Variants in PTPRG observed in about 807,000 individuals in gnomAD.
The protein encoded by PTPRG is protein tyrosine phosphatase receptor type G.
In PTPRG, 102 loss-of-function variants were observed where a neutral mutation model predicts 165.3. The observed-to-expected ratio is 0.62, with a 90% CI of 0.53 to 0.73. The LOEUF (loss-of-function observed/expected upper bound fraction) is 0.73. PTPRG is among the 30% of genes least tolerant of loss of function. The pLI, the probability that PTPRG is intolerant of heterozygous loss-of-function variation, is 0.00. For synonymous variants in PTPRG, 675 were observed against 669.5 expected, an observed-to-expected ratio of 1.01 and a Z score of -0.13; for missense variants, 1,866 against 1,861.4, an observed-to-expected ratio of 1.00 and a Z score of -0.05.
At chr3:61,836,914 T>C (rs2036484721) in intron 2 of PTPRG, among the ~76,000 whole-genome samples, 1 of 151,812 alleles carries the variant, frequency 6.6e-6, no homozygotes, top group Admixed American at 6.6e-5. Context: ...CTGGCTGATT[T>C]TTTTTTTTTC....
intron 2 of PTPRG, among the ~76,000 whole-genome samples, chr3:61,980,202 C>T (rs2040608197): frequency 1.3e-5 from 2 of 152,144 alleles, no homozygotes; most frequent in Non-Finnish European, 2.9e-5. Context: ...TTTTGTTTTG[C>T]TCTCTGGGTT....
chr3:61,976,737 C>T (rs971184292), intron 2 of PTPRG, among the ~76,000 whole-genome samples: 1 of 151,784 alleles, frequency 6.6e-6, no homozygotes, highest in African/African-American at 2.4e-5. Context: ...TCCAGTGGCA[C>T]GATCTCGGCT....
Position 62,126,711 on chromosome 3 carries a change from C to T in PTPRG, c.616-5891C>T, listed in dbSNP as rs528756590. On this transcript the variant is annotated intron_variant, in intron 5 of 29. Transcript: ENST00000474889. ...TTTAGTAGTTGCATTTAAAGCAATT[C>T]TCTAGACCAGGAATCCACACTTGGT... 3.3e-5 allele frequency among the ~76,000 whole-genome samples: 5 copies of T among 152,296 alleles called. No individual in the cohort carries two copies. The East Asian group carries it at 9.6e-4, about 29-fold the overall frequency.
chr3:61,897,043 A>G (rs1351820093), intron 2 of PTPRG, among the ~76,000 whole-genome samples: 1 of 149,332 alleles, frequency 6.7e-6, no homozygotes, highest in Non-Finnish European at 1.5e-5. Flanking sequence ...ATCCTGTGTT[A>G]TTTTGTCTTT....
chr3:61,922,726 G>A (rs964036729), intron 2 of PTPRG, among the ~76,000 whole-genome samples: 6 of 152,102 alleles, frequency 3.9e-5, no homozygotes, highest in African/African-American at 7.2e-5. Context: ...CTGCAGCCTC[G>A]GCTTCCTGGG....
intron 7 of PTPRG, among the ~76,000 whole-genome samples, chr3:62,161,131 T>C (rs1704744751): frequency 6.6e-6 from 1 of 152,104 alleles, no homozygotes; most frequent in Admixed American, 6.6e-5. Context: ...GGAGTCACAA[T>C]AAAGATTAAA....
At chr3:61,616,091 T>C (rs998679516) in intron 1 of PTPRG, among the ~76,000 whole-genome samples, 3 of 152,128 alleles carry the variant, frequency 2.0e-5, no homozygotes, top group African/African-American at 7.2e-5. Flanking sequence ...GCTGGAATTA[T>C]AGTCATGTGC....
chr3:62,197,737 C>G (rs1200084327), intron 10 of PTPRG, among the ~76,000 whole-genome samples: 1 of 152,166 alleles, frequency 6.6e-6, no homozygotes, highest in Non-Finnish European at 1.5e-5. Flanking sequence ...CCCAGGGCTC[C>G]CTGGCTTCTG....
intron 2 of PTPRG, among the ~76,000 whole-genome samples, chr3:61,949,645 G>T (rs550038917): frequency 4.3e-4 from 66 of 152,266 alleles, no homozygotes; most frequent in African/African-American, 1.6e-3. Context: ...TCAAATGCCA[G>T]CTCAGGTGCT....
At chr3:62,145,020 A>G (rs186333312) in intron 6 of PTPRG, among the ~76,000 whole-genome samples, 2 of 152,062 alleles carry the variant, frequency 1.3e-5, no homozygotes, top group African/African-American at 4.8e-5. Context: ...GAGAGCTCTT[A>G]AAAAAATACC....
rs142800593 is a variant in PTPRG at position 61,776,361 on chromosome 3, A to AT, written c.190+27380dup. Among the ~76,000 whole-genome samples the AT allele has an allele frequency of 7.2e-3, 1,098 of 152,288 alleles. 9 individuals are homozygous for AT. Among genetic ancestry groups the AT allele is most frequent in the Non-Finnish European group, 0.01 (697 of 68,018 alleles). ...ACCCCAAGTTCTCATTTTTATTGGAATAAAAAAATTAGTTGTATCGCATAG... is the reference window on the plus strand; with the variant it reads ...ACCCCAAGTTCTCATTTTTATTGGAATTAAAAAAATTAGTTGTATCGCATAG... On this transcript the variant is annotated intron_variant, in intron 2 of 29. Transcript: ENST00000474889.
At chr3:61,811,174 C>A (rs2035563148) in intron 2 of PTPRG, among the ~76,000 whole-genome samples, 2 of 152,018 alleles carry the variant, frequency 1.3e-5, no homozygotes, top group African/African-American at 4.8e-5. Flanking sequence ...GCTCTTTGGT[C>A]AGTGGAATGT....
chr3:61,871,153 GTGTTGTGTTGTGTTATGTTA>G lies in PTPRG; in HGVS notation c.191-118467_191-118448del, dbSNP rs1309908002. On this transcript the variant is annotated intron_variant, in intron 2 of 29. Transcript: ENST00000474889. The stretch of plus-strand genomic sequence containing the variant: ...ATGTTGTGTTGTGTTGTGTTGTGTT[GTGTTGTGTTGTGTTATGTTA>G]TGTTATGTTATGTTATGTTATGTTA... Among the ~76,000 whole-genome samples, 650 of 124,244 alleles carry G rather than the reference GTGTTGTGTTGTGTTATGTTA, an allele frequency of 5.2e-3. 3 individuals carry two copies. The highest frequency in any genetic ancestry group is 0.01 in the African/African-American group (311 of 30,568). 81.5% of individuals were successfully genotyped at this position (124,244 alleles called of 152,430 possible). A position where few individuals can be genotyped will look rare whatever the true frequency, so the allele number is the denominator to read the frequency against.
chr3:62,250,187 A>G (rs375920892), intron 15 of PTPRG, among the ~76,000 whole-genome samples: 4 of 152,350 alleles, frequency 2.6e-5, no homozygotes, highest in African/African-American at 9.6e-5. Flanking sequence ...ATTGCTTTTC[A>G]TAACACTCTA....
At chr3:61,714,237 G>A (rs1559570299) in intron 1 of PTPRG, among the ~76,000 whole-genome samples, 1 of 152,078 alleles carries the variant, frequency 6.6e-6, no homozygotes, top group Non-Finnish European at 1.5e-5. Context: ...GTTGCTGATT[G>A]TCTTCTATTA....
intron 2 of PTPRG, among the ~76,000 whole-genome samples, chr3:61,914,654 C>G (rs1249082650): frequency 3.3e-5 from 5 of 152,164 alleles, no homozygotes; most frequent in African/African-American, 7.2e-5. Flanking sequence ...CAAGTACCTT[C>G]CTGGTTTCAT....
intron 4 of PTPRG, among the ~76,000 whole-genome samples, chr3:62,017,018 T>C (rs768112687): frequency 2.0e-5 from 3 of 152,144 alleles, no homozygotes; most frequent in Non-Finnish European, 4.4e-5. Flanking sequence ...ATTTATTAAC[T>C]CCCTCCCCCT....
intron 1 of PTPRG, among the ~76,000 whole-genome samples, chr3:61,715,458 G>A (rs1242409000): frequency 1.3e-5 from 2 of 152,046 alleles, no homozygotes; most frequent in African/African-American, 2.4e-5. Flanking sequence ...GGCTCAAGAT[G>A]TCCACCTGCC....
intron 1 of PTPRG, among the ~76,000 whole-genome samples, chr3:61,693,515 A>T (rs2106668509): frequency 6.6e-6 from 1 of 152,278 alleles, no homozygotes; most frequent in South Asian, 2.1e-4. Context: ...AGGGGGCTGG[A>T]CTTGGTGCTG....
Sources: gnomAD v4.1 joint callset for allele counts (sites outside exome capture counted in the v4.1 genomes callset) on GRCh38, gnomAD v4.1.1 for gene constraint, MANE v1.5 for transcripts, NCBI Gene and HGNC (gene_info 2026-07-23, HGNC 2026-07-21) for gene names.